Variants in LRRC4C observed in about 807,000 individuals in gnomAD.
LRRC4C encodes the protein leucine-rich repeat-containing protein 4C.
In LRRC4C, 5 loss-of-function variants were observed where a neutral mutation model predicts 33.6. The ratio of observed to expected loss-of-function variants is 0.15; its 90% CI spans 0.08 to 0.31. The LOEUF (loss-of-function observed/expected upper bound fraction) is 0.31. Among genes scored for constraint, LRRC4C ranks in the 10% least tolerant of loss-of-function variants. LRRC4C has a pLI of 1.00. For missense variants in LRRC4C, 560 were observed against 796.7 expected (o/e 0.70, Z 3.58); for synonymous variants, 329 against 302.0 (o/e 1.09, Z -0.93).
At chr11:41,141,617 T>C (rs1046861907) in intron 1 of LRRC4C, among the ~76,000 whole-genome samples, 4 of 152,008 alleles carry the variant, frequency 2.6e-5, no homozygotes, top group Admixed American at 1.3e-4. Flanking sequence ...CTTCTTATGA[T>C]AGTAAGTGAG....
At chr11:40,512,589 G>A (rs1471272382) in intron 3 of LRRC4C, among the ~76,000 whole-genome samples, 1 of 152,150 alleles carries the variant, frequency 6.6e-6, no homozygotes, top group Non-Finnish European at 1.5e-5. Flanking sequence ...GACACTGGGA[G>A]AGCTGGGCCT....
chr11:40,857,757 A>T (rs923661892), intron 2 of LRRC4C, among the ~76,000 whole-genome samples: 1 of 152,026 alleles, frequency 6.6e-6, no homozygotes, highest in Non-Finnish European at 1.5e-5. Context: ...TTTACAAGAA[A>T]TACAAAAATT....
intron 2 of LRRC4C, among the ~76,000 whole-genome samples, chr11:40,736,201 C>T (rs1030756998): frequency 7.3e-5 from 11 of 151,586 alleles, no homozygotes; most frequent in Non-Finnish European, 1.6e-4. Context: ...GTGTGATGTT[C>T]CCCTCCCTGT....
intron 2 of LRRC4C, among the ~76,000 whole-genome samples, chr11:40,855,029 T>C (rs1298780097): frequency 2.6e-5 from 4 of 152,154 alleles, no homozygotes; most frequent in African/African-American, 9.7e-5. Context: ...TGGGAGTTAA[T>C]TTATTTTTAA....
At chr11:40,271,329 G>A (rs1046832803) in intron 4 of LRRC4C, among the ~76,000 whole-genome samples, 1 of 152,094 alleles carries the variant, frequency 6.6e-6, no homozygotes, top group African/African-American at 2.4e-5. Context: ...CAGAGCAGCT[G>A]CATTTCCAAA....
At chr11:41,166,865 C>A (rs1944754015) in intron 1 of LRRC4C, among the ~76,000 whole-genome samples, 1 of 152,138 alleles carries the variant, frequency 6.6e-6, no homozygotes, top group Non-Finnish European at 1.5e-5. Context: ...TTTACAGACA[C>A]CATGGCAATT....
chr11:40,576,579 G>A (rs1056514413), intron 3 of LRRC4C, among the ~76,000 whole-genome samples: 9 of 152,088 alleles, frequency 5.9e-5, no homozygotes, highest in African/African-American at 9.7e-5. Context: ...ACAGCTCAAC[G>A]TTCAAAAGAA....
At chr11:40,287,113 T>C (rs989040376) in intron 4 of LRRC4C, among the ~76,000 whole-genome samples, 1 of 152,216 alleles carries the variant, frequency 6.6e-6, no homozygotes. Context: ...CAGAAGAGAA[T>C]ATAGAACCTA....
In LRRC4C at chr11:40,968,794, C is replaced by G. The variant is rs542844432; in HGVS notation, c.-495-35071G>C. On this transcript the variant is annotated intron_variant, in intron 1 of 6. Transcript: ENST00000528697. The stretch of plus-strand genomic sequence containing the variant: ...TGAATCCCTTCAAAATATTACTTTT[C>G]ATTGACAGTGCACCTATTCACCCAA... Among the ~76,000 whole-genome samples the G allele has an allele frequency of 2.0e-5, 3 of 152,228 alleles. No individual in the cohort carries two copies. The East Asian group carries it at 5.8e-4, about 29-fold the overall frequency.
intron 1 of LRRC4C, among the ~76,000 whole-genome samples, chr11:41,315,927 T>C (rs979257897): frequency 2.0e-5 from 3 of 152,200 alleles, no homozygotes; most frequent in Admixed American, 2.0e-4. Context: ...GATGCAACAT[T>C]AATTTAAATA....
chr11:40,773,041 C>T (rs1210537453), intron 2 of LRRC4C, among the ~76,000 whole-genome samples: 3 of 152,154 alleles, frequency 2.0e-5, no homozygotes, highest in Non-Finnish European at 4.4e-5. Flanking sequence ...GAGTTCCTGT[C>T]ATTCACAATA....
chr11:40,945,787 A>C (rs1958369562), intron 1 of LRRC4C, among the ~76,000 whole-genome samples: 1 of 152,188 alleles, frequency 6.6e-6, no homozygotes, highest in South Asian at 2.1e-4. Context: ...GACAGTTATC[A>C]AACAGTACAA....
chr11:41,025,450 C>T (rs772147115), intron 1 of LRRC4C, among the ~76,000 whole-genome samples: 1 of 151,382 alleles, frequency 6.6e-6, no homozygotes, highest in Non-Finnish European at 1.5e-5. Context: ...CAAACCACAA[C>T]ATTCCCTAAA....
intron 2 of LRRC4C, among the ~76,000 whole-genome samples, chr11:40,725,736 C>T (rs1947261189): frequency 1.3e-5 from 2 of 152,118 alleles, no homozygotes; most frequent in African/African-American, 4.8e-5. Flanking sequence ...CTGTACATGC[C>T]TACATATCAC....
intron 5 of LRRC4C, among the ~76,000 whole-genome samples, chr11:40,219,870 A>G (rs550126923): frequency 6.6e-6 from 1 of 152,270 alleles, no homozygotes; most frequent in African/African-American, 2.4e-5. Context: ...ATTCATGCTA[A>G]ATGAGTAGAT....
At chr11:40,442,036 G>A (rs1398093809) in intron 3 of LRRC4C, among the ~76,000 whole-genome samples, 3 of 151,892 alleles carry the variant, frequency 2.0e-5, no homozygotes, top group Non-Finnish European at 2.9e-5. Flanking sequence ...GGTGGCAGGC[G>A]ACTGTAGTCT....
At chr11:40,541,552 G>A (rs1956707878) in intron 3 of LRRC4C, among the ~76,000 whole-genome samples, 1 of 152,134 alleles carries the variant, frequency 6.6e-6, no homozygotes. Context: ...CCTTGGGACT[G>A]GGTGGGAACA....
chr11:41,112,547 G>A (rs1941895683), intron 1 of LRRC4C, among the ~76,000 whole-genome samples: 1 of 151,942 alleles, frequency 6.6e-6, no homozygotes, highest in South Asian at 2.1e-4. Flanking sequence ...CAAGGCAATG[G>A]GCATAGAATA....
chr11:40,479,950 C>G (rs1252507988), intron 3 of LRRC4C, among the ~76,000 whole-genome samples: 1 of 152,168 alleles, frequency 6.6e-6, no homozygotes, highest in Non-Finnish European at 1.5e-5. Context: ...TTATTCCTTG[C>G]TTCTACTGGA....
Sources: gnomAD v4.1 joint callset for allele counts (sites outside exome capture counted in the v4.1 genomes callset) on GRCh38, gnomAD v4.1.1 for gene constraint, MANE v1.5 for transcripts, NCBI Gene and HGNC (gene_info 2026-07-23, HGNC 2026-07-21) for gene names.